Variants in TEAD4 observed in about 807,000 individuals in gnomAD.
The protein encoded by TEAD4 is TEA domain transcription factor 4.
TEAD4 carries 36 observed loss-of-function variants against 52.4 expected under a neutral mutation model. That is an observed-to-expected ratio of 0.69 (90% CI 0.53 to 0.91). TEAD4 has a LOEUF of 0.91. TEAD4 is among the 40% of genes least tolerant of loss of function. The pLI is 0.00. For synonymous variants in TEAD4, 220 were observed against 231.0 expected, an observed-to-expected ratio of 0.95 and a Z score of 0.43; for missense variants, 508 against 583.9, an observed-to-expected ratio of 0.87 and a Z score of 1.34.
chr12:3,029,616 A>G (rs901700635), intron 10 of TEAD4, among the ~76,000 whole-genome samples: 10 of 151,952 alleles, frequency 6.6e-5, no homozygotes, highest in Non-Finnish European at 2.9e-5. Context: ...CCTGGCCTCA[A>G]GTGATCCTCC....
intron 2 of TEAD4, among the ~76,000 whole-genome samples, chr12:2,991,916 T>C (rs2153955120): frequency 6.6e-6 from 1 of 152,068 alleles, no homozygotes; most frequent in East Asian, 1.9e-4. Context: ...CTGCGCGACC[T>C]TGGGCGTGTC....
intron 3 of TEAD4, among the ~76,000 whole-genome samples, chr12:3,000,708 G>A (rs769488892): frequency 6.6e-6 from 1 of 152,188 alleles, no homozygotes; most frequent in African/African-American, 2.4e-5. Flanking sequence ...GTCTAGAGGC[G>A]AGACTTCACA....
chr12:2,994,692 G>T lies in TEAD4; in HGVS notation c.-29-46G>T. ...GGAGTGCCTTCATCCCGTGGCCCAC[G>T]CAGTTCTTCCACTGCTCACCGGGGC... On this transcript the variant is annotated intron_variant, in intron 2 of 12. Coordinates refer to ENST00000359864, the MANE Select transcript of TEAD4 (RefSeq NM_003213.4). This position sits in a 1 kb window ranked among gnomAD's most constrained non-coding sequence, Gnocchi z 4.7. The T allele has an allele frequency of 6.6e-7, 1 of 1,504,740 alleles. No homozygotes were observed. Among genetic ancestry groups the T allele is most frequent in the East Asian group, 2.3e-5 (1 of 43,214 alleles). 93.2% of individuals were successfully genotyped at this position (1,504,740 alleles called of 1,614,324 possible).
At chr12:3,008,197 G>A (rs746534029) in intron 3 of TEAD4, among the ~76,000 whole-genome samples, 12 of 152,180 alleles carry the variant, frequency 7.9e-5, no homozygotes, top group African/African-American at 2.7e-4. Flanking sequence ...CAGGGTGGGC[G>A]GGTAGGAGTA....
intron 10 of TEAD4, among the ~76,000 whole-genome samples, chr12:3,031,667 C>G (rs1261801825): frequency 2.0e-5 from 3 of 152,180 alleles, no homozygotes; most frequent in Non-Finnish European, 4.4e-5. Context: ...GACAGCTGCA[C>G]TCTTCTCACC....
rs769682182 is a variant in TEAD4 at position 3,021,982 on chromosome 12, G to A, written c.862G>A (p.Gly288Arg). The change falls in exon 10 of 13, where the codon GGA becomes AGA. Residue 288 changes from glycine to arginine, a missense_variant. Physicochemically the swap from Gly to Arg is moderately radical, Grantham distance 125. Transcript: ENST00000359864. ...TGGACTCAAGGATCTCTTCGAACGGGGACCCTCCAATGCCTTTTTTCTTGT... is the reference window on the plus strand; with the variant it reads ...TGGACTCAAGGATCTCTTCGAACGGAGACCCTCCAATGCCTTTTTTCTTGT... 6.2e-7 allele frequency: 1 copy of A among 1,614,222 alleles called. No individual in the cohort carries two copies. Among genetic ancestry groups the A allele is most frequent in the Non-Finnish European group, 8.5e-7 (1 of 1,180,030 alleles).
intron 3 of TEAD4, among the ~76,000 whole-genome samples, chr12:3,004,195 G>A (rs768831729): frequency 3.3e-5 from 5 of 152,204 alleles, no homozygotes; most frequent in Non-Finnish European, 7.3e-5. Flanking sequence ...CTTAGGAATC[G>A]GGGGGATTGA....
At chr12:2,971,814 C>CTTT (rs34434172) in intron 2 of TEAD4, among the ~76,000 whole-genome samples, 1 of 110,438 alleles carries the variant, frequency 9.1e-6, no homozygotes, top group Non-Finnish European at 1.8e-5. Flanking sequence ...TTCTTTCTTT[C>CTTT]TTTTTTTTTT....
At position 2,993,750 on chromosome 12, in the gene TEAD4, G is replaced by T. The variant is rs549050929; in HGVS notation, c.-29-988G>T. 2.6e-5 allele frequency among the ~76,000 whole-genome samples: 4 copies of T among 152,144 alleles called. No homozygotes were observed. The South Asian group carries it at 8.3e-4, about 32-fold the overall frequency. ...GCCTCAGCCTCCCAAAGTGCTGGGA[G>T]TATAGGCATGAGCCACTGTGCCTGG... On this transcript the variant is annotated intron_variant, in intron 2 of 12. Coordinates refer to ENST00000359864, the MANE Select transcript of TEAD4 (RefSeq NM_003213.4).
intron 3 of TEAD4, among the ~76,000 whole-genome samples, chr12:3,003,556 A>AT (rs1236885066): frequency 6.6e-6 from 1 of 152,044 alleles, no homozygotes; most frequent in Non-Finnish European, 1.5e-5. Context: ...GAAAGCGGAG[A>AT]TTCCTCCTGG....
In TEAD4 at chr12:2,979,558, A is replaced by G. The variant is rs140057455; in HGVS notation, c.-29-15180A>G. On this transcript the variant is annotated intron_variant, in intron 2 of 12. Coordinates refer to ENST00000359864, the MANE Select transcript of TEAD4 (RefSeq NM_003213.4). The stretch of plus-strand genomic sequence containing the variant: ...GAATTTGTGGCTGCTCAGTGCACGC[A>G]TGTGTCCACAAATGACTGTGAAGAT... 3.3e-3 allele frequency among the ~76,000 whole-genome samples: 505 copies of G among 152,332 alleles called. 2 individuals carry two copies. The highest frequency in any genetic ancestry group is 0.011 in the African/African-American group (453 of 41,570).
chr12:3,003,673 G>T (rs1039151062), intron 3 of TEAD4, among the ~76,000 whole-genome samples: 2 of 152,140 alleles, frequency 1.3e-5, no homozygotes, highest in South Asian at 2.1e-4. Context: ...TGAGCTGGGG[G>T]CTGTCGGACA....
At chr12:2,989,427 T>C (rs1195064769) in intron 2 of TEAD4, among the ~76,000 whole-genome samples, 1 of 152,182 alleles carries the variant, frequency 6.6e-6, no homozygotes, top group Non-Finnish European at 1.5e-5. Context: ...TTACGAAGTT[T>C]GCTATCAGTT....
chr12:2,993,221 G>A (rs548832752), intron 2 of TEAD4, among the ~76,000 whole-genome samples: 10 of 152,204 alleles, frequency 6.6e-5, no homozygotes, highest in Admixed American at 3.9e-4. Context: ...CTTCTTCATC[G>A]TGCAAAACCG....
Position 3,017,434 on chromosome 12 carries a change from G to A in TEAD4, c.391G>A (p.Ala131Thr), listed in dbSNP as rs767142386. ...TAAGGACAAGGCCCTGCAGAGCATG[G>A]CTGCCATGTCGTCTGCACAGATCAT... The change falls in exon 6 of 13, where the codon GCT (alanine) becomes ACT (threonine). Residue 131 changes from alanine to threonine, a missense_variant. Ala to Thr is a moderately conservative substitution (Grantham distance 58). Transcript: ENST00000359864. 3.1e-6 allele frequency: 5 copies of A among 1,614,100 alleles called. No individual in the cohort carries two copies. The highest frequency in any genetic ancestry group is 4.2e-6 in the Non-Finnish European group (5 of 1,180,044).
intron 2 of TEAD4, among the ~76,000 whole-genome samples, chr12:2,977,199 G>C (rs758924802): frequency 6.6e-6 from 1 of 152,150 alleles, no homozygotes; most frequent in Non-Finnish European, 1.5e-5. Flanking sequence ...GCTTGCTCAG[G>C]ACTCCCAGGT....
chr12:2,961,980 T>C (rs2098215749), intron 2 of TEAD4, among the ~76,000 whole-genome samples: 1 of 152,040 alleles, frequency 6.6e-6, no homozygotes, highest in South Asian at 2.1e-4. Flanking sequence ...CAGGGCTTTG[T>C]CACCAGAGAA....
chr12:3,038,744 C>T (rs1215436235), intron 11 of TEAD4, among the ~76,000 whole-genome samples: 2 of 152,170 alleles, frequency 1.3e-5, no homozygotes, highest in East Asian at 1.9e-4. Flanking sequence ...CTTTCCGGTG[C>T]GTGTCTGGGG....
intron 10 of TEAD4, among the ~76,000 whole-genome samples, chr12:3,030,300 G>T (rs1423099517): frequency 2.0e-5 from 3 of 152,188 alleles, no homozygotes; most frequent in Non-Finnish European, 4.4e-5. Flanking sequence ...GCCTCCCAAA[G>T]TAATGGGATT....
Sources: allele counts gnomAD v4.1 joint callset (sites outside exome capture counted in the v4.1 genomes callset), GRCh38; gene constraint gnomAD v4.1.1; non-coding constraint Gnocchi (gnomAD v3.1); transcripts MANE v1.5; gene names NCBI Gene and HGNC (gene_info 2026-07-23, HGNC 2026-07-21).